CDH18: variants seen among roughly 807,000 people sequenced by gnomAD.
CDH18 encodes cadherin 18, also known as cadherin-18.
Under a neutral mutation model 67.9 loss-of-function variants are expected in CDH18, and 31 were observed. That is an observed-to-expected ratio of 0.46 (90% CI 0.34 to 0.62). The LOEUF is 0.62. Ranked by LOEUF, CDH18 falls within the 20% of genes least tolerant of loss-of-function variation. The probability of loss-of-function intolerance (pLI) is 0.01; values close to 1 mark genes in which losing one functional copy is unlikely to be tolerated. For missense variants in CDH18, 890 were observed against 975.5 expected, an observed-to-expected ratio of 0.91 and a Z score of 1.17; for synonymous variants, 362 against 347.2, an observed-to-expected ratio of 1.04 and a Z score of -0.48.
chr5:19,519,402 G>A (rs1414943458), intron 10 of CDH18, among the ~76,000 whole-genome samples: 2 of 152,078 alleles, frequency 1.3e-5, no homozygotes, highest in Non-Finnish European at 2.9e-5. Flanking sequence ...AAATGACTTG[G>A]CATGATTTGG....
At chr5:19,746,917 T>C in intron 4 of CDH18, 25 bp downstream of exon 4, 1 of 1,596,330 alleles carries the variant, frequency 6.3e-7, no homozygotes, top group Non-Finnish European at 8.6e-7. Flanking sequence ...GTTAATTGCA[T>C]AATCACAAAA....
At chr5:19,654,264 C>T (rs529060237) in intron 5 of CDH18, among the ~76,000 whole-genome samples, 1 of 152,228 alleles carries the variant, frequency 6.6e-6, no homozygotes, top group South Asian at 2.1e-4. Context: ...GAGGTGATAG[C>T]ACTTCTATAA....
At chr5:19,863,532 A>G (rs895822267) in intron 2 of CDH18, among the ~76,000 whole-genome samples, 4 of 152,304 alleles carry the variant, frequency 2.6e-5, no homozygotes, top group East Asian at 1.9e-4. Flanking sequence ...GGGAGAGGAC[A>G]GTCATTGCCT....
At chr5:19,857,489 T>C (rs934956584) in intron 2 of CDH18, among the ~76,000 whole-genome samples, 7 of 152,178 alleles carry the variant, frequency 4.6e-5, no homozygotes, top group Non-Finnish European at 8.8e-5. Flanking sequence ...ACACACATAG[T>C]ACAGTAGTTG....
intron 2 of CDH18, among the ~76,000 whole-genome samples, chr5:20,236,842 T>C (rs1742509909): frequency 6.6e-6 from 1 of 152,016 alleles, no homozygotes; most frequent in Non-Finnish European, 1.5e-5. Context: ...AGACAGGTAT[T>C]ACCTTGACAA....
At chr5:20,121,127 T>C (rs1006571320) in intron 2 of CDH18, among the ~76,000 whole-genome samples, 4 of 152,204 alleles carry the variant, frequency 2.6e-5, no homozygotes, top group African/African-American at 9.6e-5. Flanking sequence ...TAATGTTTTA[T>C]CTGTGCAAAG....
intron 2 of CDH18, among the ~76,000 whole-genome samples, chr5:19,906,382 T>G (rs904793921): frequency 6.6e-6 from 1 of 152,010 alleles, no homozygotes; most frequent in African/African-American, 2.4e-5. Context: ...GATTTTCAAT[T>G]TATTAAATTG....
Position 20,016,161 on chromosome 5 carries a change from G to T in CDH18, c.-517-24147C>A, listed in dbSNP as rs376026885. Among the ~76,000 whole-genome samples, 8 of 152,140 alleles carry T rather than the reference G, an allele frequency of 5.3e-5. No homozygotes were observed. In the South Asian group the frequency reaches 1.7e-3, roughly 32 times the overall value. ...AAAGAACACAGCCATGTCTTTTGGG[G>T]GAACATGGATGGAGCTGGAGACCAT... On this transcript the variant is annotated intron_variant, in intron 2 of 14. Coordinates refer to the CDH18 transcript ENST00000507958.
intron 6 of CDH18, among the ~76,000 whole-genome samples, chr5:19,605,828 G>C (rs1297893604): frequency 1.3e-5 from 2 of 152,086 alleles, no homozygotes; most frequent in South Asian, 4.1e-4. Context: ...GAGACAGGTT[G>C]GAGTTCAGAG....
At chr5:20,299,674 G>T (rs1489503062) in intron 1 of CDH18, among the ~76,000 whole-genome samples, 2 of 148,710 alleles carry the variant, frequency 1.3e-5, no homozygotes, top group Non-Finnish European at 3.0e-5. Context: ...CAGAAGAATT[G>T]CTGAACCCGG....
intron 1 of CDH18, among the ~76,000 whole-genome samples, chr5:20,260,592 G>A (rs1384376402): frequency 6.6e-6 from 1 of 152,122 alleles, no homozygotes. Context: ...TTAGAGAGTG[G>A]TAGATTCCCA....
intron 2 of CDH18, among the ~76,000 whole-genome samples, chr5:19,874,732 A>C (rs1234379457): frequency 6.6e-6 from 1 of 152,226 alleles, no homozygotes; most frequent in Non-Finnish European, 1.5e-5. Flanking sequence ...GAATGCTCAC[A>C]AGACCTTGTC....
At chr5:20,004,736 G>T (rs1159707304) in intron 2 of CDH18, among the ~76,000 whole-genome samples, 1 of 152,180 alleles carries the variant, frequency 6.6e-6, no homozygotes, top group East Asian at 1.9e-4. Flanking sequence ...AGAACACATT[G>T]TTGATAAAGA....
At chr5:20,536,629 T>A (rs557558316) in intron 1 of CDH18, among the ~76,000 whole-genome samples, 1 of 152,214 alleles carries the variant, frequency 6.6e-6, no homozygotes, top group East Asian at 1.9e-4. Flanking sequence ...AAAAGTCAGT[T>A]AGCCTATGGC....
chr5:19,899,711 G>A (rs145092702), intron 2 of CDH18, among the ~76,000 whole-genome samples: 142 of 151,974 alleles, frequency 9.3e-4, no homozygotes, highest in East Asian at 4.3e-3. Flanking sequence ...GTCCACTGAT[G>A]GATGAATGAA....
At chr5:19,630,631 T>A (rs1051925810) in intron 5 of CDH18, among the ~76,000 whole-genome samples, 2 of 152,200 alleles carry the variant, frequency 1.3e-5, no homozygotes, top group African/African-American at 4.8e-5. Context: ...TATTTTTCTA[T>A]CTTATTTCTT....
intron 11 of CDH18, among the ~76,000 whole-genome samples, chr5:19,487,469 G>C (rs1190358545): frequency 6.6e-6 from 1 of 152,042 alleles, no homozygotes; most frequent in Admixed American, 6.6e-5. Flanking sequence ...AAATAGTTTG[G>C]AAAATATTTC....
intron 12 of CDH18, among the ~76,000 whole-genome samples, chr5:19,476,179 A>G (rs1738429763): frequency 6.6e-6 from 1 of 152,042 alleles, no homozygotes; most frequent in Non-Finnish European, 1.5e-5. Flanking sequence ...TCTGTAGAGA[A>G]AGTCATAGAA....
chr5:19,790,954 G>C (rs748537530), intron 3 of CDH18, among the ~76,000 whole-genome samples: 2 of 152,070 alleles, frequency 1.3e-5, no homozygotes, highest in Non-Finnish European at 2.9e-5. Flanking sequence ...ACGATTCTCA[G>C]GTGTGTTACT....
Sources: allele counts gnomAD v4.1 joint callset (sites outside exome capture counted in the v4.1 genomes callset), GRCh38; gene constraint gnomAD v4.1.1; transcripts MANE v1.5; gene names NCBI Gene and HGNC (gene_info 2026-07-23, HGNC 2026-07-21).